The following SVEP1 variants were observed in gnomAD, a reference collection of about 807,000 sequenced individuals.
SVEP1 encodes sushi, von Willebrand factor type A, EGF and pentraxin domain containing 1.
In SVEP1, 164 loss-of-function variants were observed where a neutral mutation model predicts 367.3. The ratio of observed to expected loss-of-function variants is 0.45; its 90% CI spans 0.39 to 0.51. The LOEUF is 0.51. SVEP1 is among the 20% of genes least tolerant of loss of function. The pLI is 0.00. For synonymous variants in SVEP1, 1,666 were observed against 1,611.6 expected (o/e 1.03, Z -0.81); for missense variants, 4,117 against 4,425.3 (o/e 0.93, Z 1.98).
At position 110,390,371 on chromosome 9, in the gene SVEP1, CT is replaced by C. The variant is rs1588027723; in HGVS notation, c.9823-785del. On this transcript the variant is annotated intron_variant, in intron 40 of 47. Transcript: ENST00000374469. ...TACACTTATATATATATACTTATAT[CT>C]ACTTATATATATATATACTTATATC... Among the ~76,000 whole-genome samples the C allele has an allele frequency of 2.4e-4, 4 of 16,336 alleles. No homozygotes were observed. The East Asian group carries it at 3.0e-3, about 12-fold the overall frequency. The allele number at this position is 16,336 out of a possible 152,430, so 10.7% of individuals were successfully genotyped here.
intron 36 of SVEP1, among the ~76,000 whole-genome samples, chr9:110,412,816 G>A (rs991766872): frequency 1.1e-4 from 17 of 152,314 alleles, no homozygotes; most frequent in East Asian, 7.7e-4. Flanking sequence ...GCCATCAGAG[G>A]AATGCAAATC....
intron 3 of SVEP1, among the ~76,000 whole-genome samples, chr9:110,529,476 A>T (rs1364875548): frequency 6.6e-6 from 1 of 152,048 alleles, no homozygotes; most frequent in African/African-American, 2.4e-5. Flanking sequence ...CCTTATATTG[A>T]TTCTTCCAAT....
chr9:110,526,863 G>A (rs1447746599), intron 3 of SVEP1, among the ~76,000 whole-genome samples: 2 of 151,944 alleles, frequency 1.3e-5, no homozygotes, highest in African/African-American at 4.8e-5. Context: ...ATGAATTATT[G>A]GTACACACAA....
intron 1 of SVEP1, among the ~76,000 whole-genome samples, chr9:110,572,472 C>T (rs1830576077): frequency 6.6e-6 from 1 of 152,058 alleles, no homozygotes; most frequent in Non-Finnish European, 1.5e-5. Flanking sequence ...GTCCTATATG[C>T]AGGAAATAAC....
At chr9:110,399,772 G>T (rs1001097752) in intron 40 of SVEP1, among the ~76,000 whole-genome samples, 1 of 152,154 alleles carries the variant, frequency 6.6e-6, no homozygotes, top group Non-Finnish European at 1.5e-5. Context: ...GAGCTCAAGT[G>T]ATCCACCCTC....
intron 36 of SVEP1, among the ~76,000 whole-genome samples, chr9:110,417,576 C>G (rs1828146427): frequency 9.9e-4 from 1 of 1,008 alleles, no homozygotes; most frequent in East Asian, 0.016. Context: ...CTTAGGTAAA[C>G]AAAGCAGCCG....
At chr9:110,397,956 A>C (rs7040947) in intron 40 of SVEP1, among the ~76,000 whole-genome samples, 8 of 147,118 alleles carry the variant, frequency 5.4e-5, no homozygotes, top group African/African-American at 1.5e-4. Flanking sequence ...CCCATCGAGC[A>C]ACCAATGACT....
intron 40 of SVEP1, among the ~76,000 whole-genome samples, chr9:110,390,341 T>TA (rs1827632137): frequency 9.9e-5 from 3 of 30,398 alleles, no homozygotes; most frequent in African/African-American, 7.9e-4. Context: ...ATACACATAC[T>TA]TATATACACT....
At chr9:110,391,088 TTAA>T (rs764537826) in intron 40 of SVEP1, among the ~76,000 whole-genome samples, 1 of 152,150 alleles carries the variant, frequency 6.6e-6, no homozygotes, top group Non-Finnish European at 1.5e-5. Context: ...TAACAATTCC[TTAA>T]TATTAATAAA....
rs188632435 is a variant in SVEP1, at chr9:110,453,949, T to A, written c.3787+1641A>T. ...ATCTCACTGTCGTTTTGATTGGCCT[T>A]TTCTGATGATTAGCGATGATGAGCT... On this transcript the variant is annotated intron_variant, in intron 22 of 47. Coordinates refer to ENST00000374469, the MANE Select transcript of SVEP1 (RefSeq NM_153366.4). Among the ~76,000 whole-genome samples the A allele has an allele frequency of 4.4e-3, 672 of 152,250 alleles. 2 individuals carry two copies. The highest frequency in any genetic ancestry group is 0.015 in the African/African-American group (639 of 41,540).
Position 110,400,878 on chromosome 9 carries a change from C to A in SVEP1, c.9798G>T (p.Gln3266His), listed in dbSNP as rs1827849249. 5 of 1,613,668 alleles carry A rather than the reference C, an allele frequency of 3.1e-6. No homozygotes were observed. Among genetic ancestry groups the A allele is most frequent in the Non-Finnish European group, 4.2e-6 (5 of 1,179,766 alleles). ...KYTFESTIIY[Q>H]CEPGYELEGN... ...CCTCTAGTTCATAGCCAGGCTCACA[C>A]TGATAAATAATTGTGCTTTCAAAGG... Residue 3266 changes from glutamine (Q) to histidine (H), a missense_variant, in exon 40 of 48, where the codon CAG (glutamine) becomes CAT (histidine). Gln to His is a conservative substitution (Grantham distance 24, BLOSUM62 0). Coordinates refer to ENST00000374469, the MANE Select transcript of SVEP1 (RefSeq NM_153366.4).
At chr9:110,392,540 C>G (rs1827680699) in intron 40 of SVEP1, among the ~76,000 whole-genome samples, 1 of 152,116 alleles carries the variant, frequency 6.6e-6, no homozygotes, top group South Asian at 2.1e-4. Flanking sequence ...ATGATCATAA[C>G]TTAAATCCAT....
chr9:110,408,438 A>C lies in SVEP1; in HGVS notation c.7162T>G (p.Ser2388Ala), dbSNP rs1827989563. Residue 2388 changes from serine to alanine, a missense_variant, in exon 38 of 48, where the codon TCC (serine) becomes GCC (alanine). By Grantham distance (99) the Ser-to-Ala change is moderately conservative (BLOSUM62 1). Coordinates refer to ENST00000374469, the MANE Select transcript of SVEP1 (RefSeq NM_153366.4). ...IVLCTPPPLI[S>A]FGVPIPSSAL... ...GAAGAAGGAATGGGGACACCAAAGG[A>C]AATTAGGGGAGGTGGGGTACAAAGA... is the stretch of plus-strand genomic sequence containing the variant. 6.2e-7 allele frequency: 1 copy of C among 1,613,870 alleles called. No individual in the cohort carries two copies. Among genetic ancestry groups the C allele is most frequent in the African/African-American group, 1.3e-5 (1 of 74,932 alleles).
intron 8 of SVEP1, 96 bp from the exon 9 acceptor site, chr9:110,489,875 A>G (rs1206705266): frequency 1.5e-6 from 2 of 1,357,218 alleles, no homozygotes; most frequent in African/African-American, 3.0e-5. Context: ...CAATGATACA[A>G]TATTTCACAA....
chr9:110,439,991 GAAAA>G lies in SVEP1; in HGVS notation c.4640-3491_4640-3488del, dbSNP rs751350057. Among the ~76,000 whole-genome samples, 16 of 152,128 alleles carry G rather than the reference GAAAA, an allele frequency of 1.1e-4. No individual in the cohort carries two copies. In the South Asian group the frequency reaches 1.5e-3, roughly 14 times the overall value. The stretch of plus-strand genomic sequence containing the variant: ...CAGAAAATAAATATACGTTCATTAT[GAAAA>G]TAACATAAAATGAAGTCAATAAAAA... On this transcript the variant is annotated intron_variant, in intron 27 of 47. Transcript: ENST00000374469.
At chr9:110,471,089 G>C (rs1829009695) in intron 16 of SVEP1, among the ~76,000 whole-genome samples, 1 of 152,112 alleles carries the variant, frequency 6.6e-6, no homozygotes, top group Non-Finnish European at 1.5e-5. Context: ...TGGTCAAAAA[G>C]TATTCATTAT....
intron 9 of SVEP1, 123 bp downstream of exon 9, chr9:110,489,527 G>C: frequency 1.1e-6 from 1 of 923,920 alleles, no homozygotes; most frequent in East Asian, 2.8e-5. Context: ...GACAGCATGG[G>C]AAAGACCCAC....
chr9:110,455,152 T>A (rs998717374), intron 22 of SVEP1, among the ~76,000 whole-genome samples: 1 of 152,074 alleles, frequency 6.6e-6, no homozygotes, highest in African/African-American at 2.4e-5. Context: ...CACATGAACA[T>A]CCACAGAAAT....
intron 3 of SVEP1, among the ~76,000 whole-genome samples, chr9:110,522,526 G>C (rs958473461): frequency 1.9e-4 from 29 of 152,136 alleles, no homozygotes; most frequent in African/African-American, 6.8e-4. Context: ...TTACCACCCA[G>C]CACATAAGTA....
Sources: allele counts gnomAD v4.1 joint callset (sites outside exome capture counted in the v4.1 genomes callset), GRCh38; gene constraint gnomAD v4.1.1; transcripts MANE v1.5; gene names NCBI Gene and HGNC (gene_info 2026-07-23, HGNC 2026-07-21).